The following GNB4 variants were observed in gnomAD, a reference collection of about 807,000 sequenced individuals.
GNB4 encodes guanine nucleotide-binding protein subunit beta-4.
In GNB4, 28 loss-of-function variants were observed where a neutral mutation model predicts 45.2. That is an observed-to-expected ratio of 0.62 (90% CI 0.46 to 0.85). GNB4 has a LOEUF of 0.85. GNB4 is among the 40% of genes least tolerant of loss of function. GNB4 has a pLI of 0.00. For synonymous variants in GNB4, 132 were observed against 143.7 expected (o/e 0.92, Z 0.58); for missense variants, 321 against 425.4 (o/e 0.75, Z 2.16).
At chr3:179,464,822 A>C in the GNB4 span, 1 of 1,344,554 alleles carries the variant, frequency 7.4e-7, no homozygotes, top group Non-Finnish European at 1.1e-6. Flanking sequence ...CTTTCATGTA[A>C]TTAATGCAGG....
chr3:179,505,903 A>C, the GNB4 span, among the ~76,000 whole-genome samples: 1 of 152,232 alleles, frequency 6.6e-6, no homozygotes. Flanking sequence ...AGTGAGAAAT[A>C]AGTCTTTGTT....
At chr3:179,508,932 G>GTGTATATATATATATATATATATA in the GNB4 span, among the ~76,000 whole-genome samples, 3 of 102,142 alleles carry the variant, frequency 2.9e-5, no homozygotes, top group African/African-American at 1.4e-4. Flanking sequence ...TTCAGCATGT[G>GTGTATATATATATATATATATATA]TATATATATA....
chr3:179,412,768 A>G (rs1246024744), intron 8 of GNB4, among the ~76,000 whole-genome samples: 1 of 152,110 alleles, frequency 6.6e-6, no homozygotes, highest in Non-Finnish European at 1.5e-5. Flanking sequence ...TGGTCCCAGA[A>G]AGACGAGACT....
At chr3:179,436,779 A>C (rs1715463293) in intron 1 of GNB4, among the ~76,000 whole-genome samples, 1 of 152,158 alleles carries the variant, frequency 6.6e-6, no homozygotes, top group African/African-American at 2.4e-5. Context: ...ATACGGCATT[A>C]ACTTTTGGTT....
intron 1 of GNB4, among the ~76,000 whole-genome samples, chr3:179,442,591 G>T (rs1559981968): frequency 6.6e-6 from 1 of 151,760 alleles, no homozygotes; most frequent in Admixed American, 6.6e-5. Context: ...ACCACATGTA[G>T]TTATCTCTGT....
At chr3:179,473,226 T>C in the GNB4 span, among the ~76,000 whole-genome samples, 1 of 152,134 alleles carries the variant, frequency 6.6e-6, no homozygotes, top group Non-Finnish European at 1.5e-5. Flanking sequence ...ATTCTTCTAG[T>C]AAATTCTAGC....
intron 1 of GNB4, among the ~76,000 whole-genome samples, chr3:179,441,297 C>T (rs1452117765): frequency 6.6e-6 from 1 of 152,192 alleles, no homozygotes; most frequent in Non-Finnish European, 1.5e-5. Context: ...ATGGTATTGC[C>T]TACCATACAC....
At position 179,398,542 on chromosome 3, in the gene GNB4, A is replaced by G. The variant is rs1311817110; in HGVS notation, c.*2671T>C. 7.2e-5 allele frequency: 11 copies of G among 151,770 alleles called. No individual in the cohort carries two copies. Among genetic ancestry groups the G allele is most frequent in the Non-Finnish European group, 1.3e-4 (9 of 67,988 alleles). The allele number at this position is 151,770 out of a possible 1,614,324, so 9.4% of individuals were successfully genotyped here. ...TGTCTTTAAAAAAAAAAAAAAAGGAACATTAACTGCAATATTCTTGATGAT... is the reference window on the plus strand; with the variant it reads ...TGTCTTTAAAAAAAAAAAAAAAGGAGCATTAACTGCAATATTCTTGATGAT... On this transcript the variant is annotated 3_prime_UTR_variant, in exon 10 of 10. Transcript: ENST00000232564.
In GNB4 at chr3:179,401,070, T is replaced by C. The variant is rs1255914916; in HGVS notation, c.*143A>G. 2.3e-5 allele frequency: 12 copies of C among 518,478 alleles called. No individual in the cohort carries two copies. In the East Asian group the frequency reaches 4.0e-4, roughly 17 times the overall value. 32.1% of individuals were successfully genotyped at this position (518,478 alleles called of 1,614,324 possible). ...TCCTCCACCCCCACTTTTTTTTTGG[T>C]AGTTTACTGAAAGCTTGTTTTTGTA... is the stretch of plus-strand genomic sequence containing the variant. On this transcript the variant is annotated 3_prime_UTR_variant, in exon 10 of 10. Transcript: ENST00000232564.
At chr3:179,516,666 T>A in the GNB4 span, among the ~76,000 whole-genome samples, 1 of 152,034 alleles carries the variant, frequency 6.6e-6, no homozygotes, top group South Asian at 2.1e-4. Context: ...ATGGAAGAGG[T>A]TATGAAACAA....
At chr3:179,443,847 C>A (rs1300018577) in intron 1 of GNB4, among the ~76,000 whole-genome samples, 1 of 152,194 alleles carries the variant, frequency 6.6e-6, no homozygotes, top group Non-Finnish European at 1.5e-5. Context: ...CCCCAATTCT[C>A]TACCCCACCA....
rs1399889726 is a variant in GNB4 at position 179,400,503 on chromosome 3, A to G, written c.*710T>C. The G allele has an allele frequency of 1.3e-5, 2 of 152,206 alleles. No individual in the cohort carries two copies. Among genetic ancestry groups the G allele is most frequent in the African/African-American group, 2.4e-5 (1 of 41,450 alleles). 9.4% of individuals were successfully genotyped at this position (152,206 alleles called of 1,614,324 possible). On this transcript the variant is annotated 3_prime_UTR_variant, in exon 10 of 10. Transcript: ENST00000232564. The stretch of plus-strand genomic sequence containing the variant: ...AAATGTCAAGAACCATTTATATGCT[A>G]TTACCTACTTTTTATTAATTATAAT...
chr3:179,411,723 G>A (rs1048370754), intron 8 of GNB4, among the ~76,000 whole-genome samples: 23 of 152,174 alleles, frequency 1.5e-4, no homozygotes, highest in African/African-American at 5.6e-4. Flanking sequence ...AAAGAGGTGG[G>A]GATGGGGTTA....
chr3:179,505,608 G>A, the GNB4 span, among the ~76,000 whole-genome samples: 1 of 152,200 alleles, frequency 6.6e-6, no homozygotes, highest in Non-Finnish European at 1.5e-5. Context: ...TGCTCTCAAT[G>A]AGTCGGTGTC....
chr3:179,464,008 TATGACAGACAATCA>T, the GNB4 span, among the ~76,000 whole-genome samples: 1 of 152,228 alleles, frequency 6.6e-6, no homozygotes, highest in African/African-American at 2.4e-5. Flanking sequence ...GGTGGGTAGC[TATGACAGACAATCA>T]ATGTGTTACT....
At chr3:179,402,009 C>G (rs748343570) in intron 9 of GNB4, among the ~76,000 whole-genome samples, 1 of 152,134 alleles carries the variant, frequency 6.6e-6, no homozygotes, top group Non-Finnish European at 1.5e-5. Context: ...TTTTTAAATA[C>G]AGTGTTTGAA....
At chr3:179,405,480 A>G in intron 8 of GNB4, 74 bp from the exon 9 acceptor site, 1 of 1,020,416 alleles carries the variant, frequency 9.8e-7, no homozygotes, top group Non-Finnish European at 1.4e-6. Flanking sequence ...ATAATAGACA[A>G]ATCTAGATTA....
chr3:179,512,413 C>T, the GNB4 span, among the ~76,000 whole-genome samples: 11 of 152,126 alleles, frequency 7.2e-5, no homozygotes, highest in Non-Finnish European at 1.3e-4. Flanking sequence ...GCTTCAAATG[C>T]TACATTTAGA....
the GNB4 span, among the ~76,000 whole-genome samples, chr3:179,479,074 C>CA: frequency 1.3e-5 from 2 of 152,170 alleles, no homozygotes; most frequent in Admixed American, 1.3e-4. Flanking sequence ...ATAAATTACC[C>CA]AGTCTCAGGT....
Sources: allele counts gnomAD v4.1 joint callset (sites outside exome capture counted in the v4.1 genomes callset), GRCh38; gene constraint gnomAD v4.1.1; transcripts MANE v1.5; gene names NCBI Gene and HGNC (gene_info 2026-07-23, HGNC 2026-07-21).